OTUD7A: variants seen among roughly 807,000 people sequenced by gnomAD.
OTUD7A encodes OTU deubiquitinase 7A, also known as OTU domain-containing protein 7A.
A neutral mutation model predicts 65.7 loss-of-function variants in OTUD7A; 12 were observed. That is an observed-to-expected ratio of 0.18 (90% CI 0.12 to 0.30). The LOEUF (loss-of-function observed/expected upper bound fraction) is 0.30, where lower values mean the gene tolerates loss of function less well. OTUD7A is among the 10% of genes least tolerant of loss of function. The pLI is 1.00. For missense variants in OTUD7A, 1,148 were observed against 1,304.8 expected, an observed-to-expected ratio of 0.88 and a Z score of 1.85; for synonymous variants, 641 against 586.3, an observed-to-expected ratio of 1.09 and a Z score of -1.35.
chr15:31,553,481 GCTCT>G (rs1888392529), intron 5 of OTUD7A, among the ~76,000 whole-genome samples: 1 of 152,050 alleles, frequency 6.6e-6, no homozygotes. Context: ...CCAACGCAGG[GCTCT>G]CTCTGACTCC....
Position 31,483,255 on chromosome 15 carries a change from C to T in OTUD7A, c.*39G>A. The T allele has an allele frequency of 2.8e-6, 3 of 1,068,202 alleles. No homozygotes were observed. Among genetic ancestry groups the T allele is most frequent in the Non-Finnish European group, 3.4e-6 (3 of 885,046 alleles). 66.2% of individuals were successfully genotyped at this position (1,068,202 alleles called of 1,614,324 possible). ...ACCGACACAATGGAAAAGAAATCCT[C>T]GAAGGTAGAACCTCGCCGCCCGCGC... On this transcript the variant is annotated 3_prime_UTR_variant, in exon 13 of 13. Coordinates refer to ENST00000307050, the MANE Select transcript of OTUD7A (RefSeq NM_001382637.1).
chr15:31,790,806 G>C (rs897196337), intron 1 of OTUD7A, among the ~76,000 whole-genome samples: 6 of 152,122 alleles, frequency 3.9e-5, no homozygotes, highest in Non-Finnish European at 8.8e-5. Context: ...CCTCATGATG[G>C]GCCCCAGAGC....
At chr15:31,627,587 A>G (rs930414722) in intron 3 of OTUD7A, among the ~76,000 whole-genome samples, 5 of 152,082 alleles carry the variant, frequency 3.3e-5, no homozygotes, top group Non-Finnish European at 5.9e-5. Context: ...ATGATTTATA[A>G]TCCTTTGGGT....
chr15:31,657,426 G>A (rs1163295053), intron 1 of OTUD7A, among the ~76,000 whole-genome samples: 1 of 151,336 alleles, frequency 6.6e-6, no homozygotes, highest in Admixed American at 6.6e-5. Flanking sequence ...GCGCGATCTC[G>A]GCTCACTGGA....
intron 1 of OTUD7A, among the ~76,000 whole-genome samples, chr15:31,832,468 T>C (rs547120098): frequency 2.1e-4 from 32 of 152,312 alleles, no homozygotes; most frequent in African/African-American, 6.7e-4. Flanking sequence ...ATACATAACA[T>C]AAAATTTACC....
At position 31,480,800 on chromosome 15, in the gene OTUD7A, G is replaced by C. The variant is rs748570931; in HGVS notation, c.*2494C>G. The C allele has an allele frequency of 3.3e-5, 5 of 152,258 alleles. No individual in the cohort carries two copies. Among genetic ancestry groups the C allele is most frequent in the Non-Finnish European group, 5.9e-5 (4 of 68,048 alleles). The allele number at this position is 152,258 out of a possible 1,614,324, so 9.4% of individuals were successfully genotyped here. ...GAAATGGCTATTCCTAAGTCATGTG[G>C]ACTGAGTGGTAATGTATCAGCCTGG... On this transcript the variant is annotated 3_prime_UTR_variant, in exon 13 of 13. Transcript: ENST00000307050.
chr15:31,792,007 G>A (rs998001168), intron 1 of OTUD7A, among the ~76,000 whole-genome samples: 2 of 152,058 alleles, frequency 1.3e-5, no homozygotes, highest in African/African-American at 4.8e-5. Context: ...ACCAAGTACT[G>A]CCCAACCAGG....
chr15:31,711,340 C>T (rs1030998339), intron 1 of OTUD7A, among the ~76,000 whole-genome samples: 1 of 152,032 alleles, frequency 6.6e-6, no homozygotes, highest in Admixed American at 6.5e-5. Context: ...CTGTATTTGT[C>T]ATATTCTTTT....
At chr15:31,794,023 C>A (rs141973860) in intron 1 of OTUD7A, among the ~76,000 whole-genome samples, 2 of 152,182 alleles carry the variant, frequency 1.3e-5, no homozygotes, top group African/African-American at 4.8e-5. Context: ...ATTTTAAAAA[C>A]CCTTCTACAT....
chr15:31,657,665 A>C (rs1405003562), intron 1 of OTUD7A, among the ~76,000 whole-genome samples: 1 of 151,770 alleles, frequency 6.6e-6, no homozygotes, highest in East Asian at 1.9e-4. Flanking sequence ...CCAGCTTTCC[A>C]GATGTATTTC....
chr15:31,519,939 T>A (rs1434522049), intron 8 of OTUD7A, among the ~76,000 whole-genome samples: 1 of 152,180 alleles, frequency 6.6e-6, no homozygotes, highest in Non-Finnish European at 1.5e-5. Flanking sequence ...TAACCAGGGA[T>A]GTGAAAGATC....
chr15:31,495,933 G>T (rs527950289), intron 10 of OTUD7A, among the ~76,000 whole-genome samples: 2 of 152,024 alleles, frequency 1.3e-5, no homozygotes, highest in South Asian at 4.2e-4. Context: ...TGGGCTTGTG[G>T]CATGTGCCTG....
intron 1 of OTUD7A, among the ~76,000 whole-genome samples, chr15:31,727,275 GGCT>G: frequency 6.6e-6 from 1 of 152,176 alleles, no homozygotes; most frequent in South Asian, 2.1e-4. Context: ...TGATTTATAA[GGCT>G]GCCTCTATTT....
rs533772696 is a variant in OTUD7A at position 31,694,545 on chromosome 15, T to C, written c.-99-37468A>G. Among the ~76,000 whole-genome samples, 272 of 152,358 alleles carry C rather than the reference T, an allele frequency of 1.8e-3. 3 individuals carry two copies. Among genetic ancestry groups the C allele is most frequent in the African/African-American group, 6.3e-3 (260 of 41,592 alleles). On this transcript the variant is annotated intron_variant, in intron 1 of 12. Transcript: ENST00000307050. ...CGTTACAATAGTTACCATGTTATAA[T>C]AGTCCCCATATATCCCTTGAACTTA...
chr15:31,649,824 G>C (rs1237610999), intron 3 of OTUD7A: 1 of 406,674 alleles, frequency 2.5e-6, no homozygotes, highest in Non-Finnish European at 5.1e-6. Flanking sequence ...ATCACAGTTG[G>C]AGGTGCTGAT....
chr15:31,478,568 C>A lies in OTUD7A; in HGVS notation c.*4726G>T, dbSNP rs746342647. The A allele has an allele frequency of 6.6e-6, 1 of 152,224 alleles. No homozygotes were observed. Among genetic ancestry groups the A allele is most frequent in the Non-Finnish European group, 1.5e-5 (1 of 68,044 alleles). 9.4% of individuals were successfully genotyped at this position (152,224 alleles called of 1,614,324 possible). A position where few individuals can be genotyped will look rare whatever the true frequency, so the allele number is the denominator to read the frequency against. ...TGGCTTCAGTGCTACTCTGCAACTA[C>A]GTGTGTCTTCGGCTCAGCCTGGTGG... On this transcript the variant is annotated 3_prime_UTR_variant, in exon 13 of 13. Transcript: ENST00000307050.
chr15:31,852,941 A>G (rs947788018), intron 1 of OTUD7A, among the ~76,000 whole-genome samples: 3 of 152,202 alleles, frequency 2.0e-5, no homozygotes, highest in African/African-American at 7.2e-5. Context: ...GGCCACCAGG[A>G]CCAGGCAGTA....
chr15:31,703,012 G>C (rs1452597683), intron 1 of OTUD7A, among the ~76,000 whole-genome samples: 2 of 151,496 alleles, frequency 1.3e-5, no homozygotes, highest in Non-Finnish European at 2.9e-5. Flanking sequence ...CTGGAACAAG[G>C]GACAGGCATA....
chr15:31,768,602 T>C (rs1895149536), intron 1 of OTUD7A, among the ~76,000 whole-genome samples: 1 of 151,114 alleles, frequency 6.6e-6, no homozygotes, highest in South Asian at 2.1e-4. Flanking sequence ...GAGGTTGCAA[T>C]GAACCGAGAT....
Sources: allele counts gnomAD v4.1 joint callset (sites outside exome capture counted in the v4.1 genomes callset), GRCh38; gene constraint gnomAD v4.1.1; transcripts MANE v1.5; gene names NCBI Gene and HGNC (gene_info 2026-07-23, HGNC 2026-07-21).